The following PPFIBP1 variants were observed in gnomAD, a reference collection of about 807,000 sequenced individuals.
The protein encoded by PPFIBP1 is PPFIB scaffold protein 1.
PPFIBP1 carries 112 observed loss-of-function variants against 137.8 expected under a neutral mutation model. The observed-to-expected ratio is 0.81, with a 90% CI of 0.70 to 0.95. The LOEUF (loss-of-function observed/expected upper bound fraction) is 0.95, where lower values mean the gene tolerates loss of function less well. Ranked by LOEUF, PPFIBP1 falls within the 40% of genes least tolerant of loss-of-function variation. The pLI is 0.00. For missense variants in PPFIBP1, 1,083 were observed against 1,196.6 expected (o/e 0.91, Z 1.40); for synonymous variants, 378 against 417.3 (o/e 0.91, Z 1.15).
chr12:27,686,919 A>T (rs958013047), intron 24 of PPFIBP1, among the ~76,000 whole-genome samples: 47 of 152,156 alleles, frequency 3.1e-4, no homozygotes, highest in African/African-American at 1.1e-3. Context: ...GATCATGTTC[A>T]CCAATGAGCA....
At position 27,689,342 on chromosome 12, in the gene PPFIBP1, C is replaced by T. The variant is rs2061381647; in HGVS notation, c.2685+139C>T. Reference sequence around the variant, plus strand: ...CCAGCAGATGCAGGAATCCTCAGCGCTTAGTTGTCTTGGGAGAAAGATGTT... The same window carrying T: ...CCAGCAGATGCAGGAATCCTCAGCGTTTAGTTGTCTTGGGAGAAAGATGTT... On this transcript the variant is annotated intron_variant, in intron 27 of 29. Coordinates refer to ENST00000228425, the MANE Select transcript of PPFIBP1 (RefSeq NM_003622.4). The T allele has an allele frequency of 4.4e-6, 3 of 677,276 alleles. No individual in the cohort carries two copies. The East Asian group carries it at 9.4e-5, about 21-fold the overall frequency. The allele number at this position is 677,276 out of a possible 1,614,324, so 42.0% of individuals were successfully genotyped here. A position where few individuals can be genotyped will look rare whatever the true frequency, so the allele number is the denominator to read the frequency against.
At chr12:27,623,141 G>A (rs1157604526) in intron 2 of PPFIBP1, among the ~76,000 whole-genome samples, 2 of 152,074 alleles carry the variant, frequency 1.3e-5, no homozygotes, top group Non-Finnish European at 2.9e-5. Context: ...AGATAGATGA[G>A]TCTCCAGGTT....
At chr12:27,577,691 T>C (rs2050688756) in intron 1 of PPFIBP1, among the ~76,000 whole-genome samples, 2 of 152,250 alleles carry the variant, frequency 1.3e-5, no homozygotes, top group Admixed American at 6.5e-5. Flanking sequence ...TATGTATTTC[T>C]ACATATTTTA....
chr12:27,668,180 C>T (rs1212384711), intron 13 of PPFIBP1, among the ~76,000 whole-genome samples: 1 of 152,172 alleles, frequency 6.6e-6, no homozygotes, highest in Non-Finnish European at 1.5e-5. Flanking sequence ...AGTCCCATTC[C>T]AGTGAGGCGT....
intron 1 of PPFIBP1, among the ~76,000 whole-genome samples, chr12:27,534,096 A>G (rs560309615): frequency 1.3e-5 from 2 of 152,244 alleles, no homozygotes; most frequent in African/African-American, 2.4e-5. Context: ...GACATGGTAG[A>G]TAGCTTGGGT....
intron 2 of PPFIBP1, chr12:27,593,698 A>G (rs2052817733): frequency 6.8e-6 from 4 of 592,158 alleles, no homozygotes; most frequent in Admixed American, 3.1e-5. Flanking sequence ...TTGTTTATCC[A>G]CAGGTTGGCT....
intron 2 of PPFIBP1, among the ~76,000 whole-genome samples, chr12:27,611,213 A>G (rs2055069559): frequency 6.6e-6 from 1 of 152,216 alleles, no homozygotes. Context: ...TGTTGCCTAT[A>G]TAGCGCTGTA....
At chr12:27,591,339 T>A (rs1371838770) in intron 2 of PPFIBP1, among the ~76,000 whole-genome samples, 27 of 152,018 alleles carry the variant, frequency 1.8e-4, no homozygotes, top group Admixed American at 1.5e-3. Flanking sequence ...ATGGTAGAGA[T>A]GCTGGGAAGG....
At chr12:27,613,205 A>G (rs578224958) in intron 2 of PPFIBP1, among the ~76,000 whole-genome samples, 25 of 152,330 alleles carry the variant, frequency 1.6e-4, no homozygotes, top group Admixed American at 1.6e-3. Context: ...CTAGAGGAAA[A>G]CAGAAACTCC....
intron 24 of PPFIBP1, among the ~76,000 whole-genome samples, chr12:27,684,197 C>T (rs1455539735): frequency 6.6e-6 from 1 of 152,180 alleles, no homozygotes; most frequent in Non-Finnish European, 1.5e-5. Flanking sequence ...CAACCTCCAC[C>T]TCCCAGGTTC....
intron 1 of PPFIBP1, among the ~76,000 whole-genome samples, chr12:27,536,490 G>A (rs561009805): frequency 1.3e-4 from 20 of 152,270 alleles, no homozygotes; most frequent in Admixed American, 9.1e-4. Flanking sequence ...AGAGACAGAA[G>A]GGAGAGGCCC....
At chr12:27,688,470 G>A in intron 26 of PPFIBP1, 47 bp downstream of exon 26, 1 of 1,603,422 alleles carries the variant, frequency 6.2e-7, no homozygotes, top group Non-Finnish European at 8.5e-7. Context: ...GCTTCCTTTA[G>A]TCTAGTCAGT....
intron 6 of PPFIBP1, among the ~76,000 whole-genome samples, chr12:27,648,342 G>A (rs2058671178): frequency 6.6e-6 from 1 of 152,074 alleles, no homozygotes; most frequent in Admixed American, 6.6e-5. Context: ...CAAAAGACAG[G>A]CAATAAGAAA....
At chr12:27,536,876 A>G (rs912349975) in intron 1 of PPFIBP1, among the ~76,000 whole-genome samples, 1 of 152,264 alleles carries the variant, frequency 6.6e-6, no homozygotes, top group Admixed American at 6.5e-5. Context: ...CTCAGAAGTC[A>G]AAGAGCTCAC....
chr12:27,650,625 C>T (rs1205944193), intron 7 of PPFIBP1, among the ~76,000 whole-genome samples: 1 of 152,184 alleles, frequency 6.6e-6, no homozygotes, highest in Admixed American at 6.5e-5. Context: ...ATTTGGCATT[C>T]TACTTTTGGT....
chr12:27,674,939 A>G (rs1389037228), intron 17 of PPFIBP1, among the ~76,000 whole-genome samples: 1 of 150,294 alleles, frequency 6.7e-6, no homozygotes, highest in Non-Finnish European at 1.5e-5. Flanking sequence ...CAGCCTTTCA[A>G]GTAGCTGGGA....
chr12:27,534,371 G>A (rs1449849233), intron 1 of PPFIBP1, among the ~76,000 whole-genome samples: 1 of 152,176 alleles, frequency 6.6e-6, no homozygotes, highest in Non-Finnish European at 1.5e-5. Flanking sequence ...AGTAGAGTAA[G>A]AAGCAGTGAA....
chr12:27,610,412 C>A (rs957963841), intron 2 of PPFIBP1, among the ~76,000 whole-genome samples: 7 of 152,154 alleles, frequency 4.6e-5, no homozygotes, highest in African/African-American at 1.7e-4. Flanking sequence ...TGATTTACAA[C>A]CCAGAATGTC....
intron 1 of PPFIBP1, among the ~76,000 whole-genome samples, chr12:27,564,098 C>T (rs2049425691): frequency 6.6e-6 from 1 of 152,118 alleles, no homozygotes; most frequent in South Asian, 2.1e-4. Flanking sequence ...GTCTCGAACT[C>T]CTGACCTTGT....
Sources: gnomAD v4.1 joint callset for allele counts (sites outside exome capture counted in the v4.1 genomes callset) on GRCh38, gnomAD v4.1.1 for gene constraint, MANE v1.5 for transcripts, NCBI Gene and HGNC (gene_info 2026-07-23, HGNC 2026-07-21) for gene names.